Variants in GNAT1 observed in about 807,000 individuals in gnomAD.
GNAT1 encodes G protein subunit alpha transducin 1, also known as guanine nucleotide-binding protein G(t) subunit alpha-1.
GNAT1 carries 36 observed loss-of-function variants against 40.0 expected under a neutral mutation model. The observed-to-expected ratio is 0.90, with a 90% confidence interval of 0.69 to 1.19. The LOEUF (loss-of-function observed/expected upper bound fraction) is 1.19. GNAT1 is among the 50% of genes most tolerant of loss of function. The pLI is 0.00. For missense variants in GNAT1, 413 were observed against 480.6 expected, an observed-to-expected ratio of 0.86 and a Z score of 1.32; for synonymous variants, 195 against 192.9, an observed-to-expected ratio of 1.01 and a Z score of -0.09.
chr3:50,193,462 C>A lies in GNAT1; in HGVS notation c.292-44C>A, dbSNP rs1291320332. ...TGGGGACTCGAGGCTCGCGGCTGGGCCCGAGTCCCTGGCCGCCACCAGCCA... is the reference window on the plus strand; with the variant it reads ...TGGGGACTCGAGGCTCGCGGCTGGGACCGAGTCCCTGGCCGCCACCAGCCA... On this transcript the variant is annotated intron_variant, in intron 3 of 8. Coordinates refer to ENST00000232461, the MANE Select transcript of GNAT1 (RefSeq NM_144499.3). This position sits in a 1 kb window ranked among gnomAD's most constrained non-coding sequence, Gnocchi z 8.1. 7 of 1,607,584 alleles carry A rather than the reference C, an allele frequency of 4.4e-6. No individual in the cohort carries two copies. Among genetic ancestry groups the A allele is most frequent in the Middle Eastern group, 1.6e-4 (1 of 6,074 alleles).
Position 50,194,845 on chromosome 3 carries a change from A to G in GNAT1, c.943A>G (p.Ile315Val), listed in dbSNP as rs746076205. The change falls in exon 8 of 9, where the codon ATC becomes GTC. Residue 315 changes from isoleucine (I) to valine (V), a missense_variant. By Grantham distance (29) the Ile-to-Val change is conservative (BLOSUM62 3). Coordinates refer to ENST00000232461, the MANE Select transcript of GNAT1 (RefSeq NM_144499.3). This position sits in a 1 kb window ranked among gnomAD's most constrained non-coding sequence, Gnocchi z 6.1. ...CAACATGCGGCGCGACGTGAAGGAG[A>G]TCTATTCCCACATGACGTGCGCCAC... ...ELNMRRDVKE[I>V]YSHMTCATDT... 6.2e-7 allele frequency: 1 copy of G among 1,613,580 alleles called. No homozygotes were observed.
Position 50,194,775 on chromosome 3 carries a change from C to T in GNAT1, c.873C>T (p.Thr291=). 1 of 1,613,828 alleles carries T rather than the reference C, an allele frequency of 6.2e-7. No individual in the cohort carries two copies. The highest frequency in any genetic ancestry group is 8.5e-7 in the Non-Finnish European group (1 of 1,179,992). The change falls in exon 8 of 9, where the codon ACC becomes ACT. Residue 291 remains threonine (T), a synonymous_variant. Coordinates refer to ENST00000232461, the MANE Select transcript of GNAT1 (RefSeq NM_144499.3). The surrounding 1 kb of genome is among the most constrained non-coding windows in gnomAD (Gnocchi z 6.1). ...ICFPDYDGPN[T]YEDAGNYIKV... is the part of the protein sequence containing the mutation. Reference sequence around the variant, plus strand: ...CTCCCGCCCCCGCAGGACCCAACACCTACGAGGACGCCGGCAACTACATCA... The same window carrying T: ...CTCCCGCCCCCGCAGGACCCAACACTTACGAGGACGCCGGCAACTACATCA...
rs780003957 is a variant in GNAT1, at chr3:50,194,926, G to A, written c.1024G>A (p.Glu342Lys). ...CGCTGTCACCGACATCATCATCAAG[G>A]AGAACCTCAAAGACTGTGGCCTCTT... ...FDAVTDIIIK[E>K]NLKDCGLF is the part of the protein sequence containing the mutation. Residue 342 changes from glutamate (E) to lysine (K), a missense_variant, in exon 8 of 9, where the codon GAG becomes AAG. By Grantham distance (56) the Glu-to-Lys change is moderately conservative. Coordinates refer to ENST00000232461, the MANE Select transcript of GNAT1 (RefSeq NM_144499.3). The surrounding 1 kb of genome is among the most constrained non-coding windows in gnomAD (Gnocchi z 6.1). The A allele has an allele frequency of 3.7e-6, 6 of 1,613,740 alleles. No homozygotes were observed. In the South Asian group the frequency reaches 5.5e-5, roughly 15 times the overall value.
rs1476293602 is a variant in GNAT1, at chr3:50,194,910, C to T, written c.1008C>T (p.Thr336=). 2 of 1,613,866 alleles carry T rather than the reference C, an allele frequency of 1.2e-6. No homozygotes were observed. Among genetic ancestry groups the T allele is most frequent in the Admixed American group, 1.7e-5 (1 of 60,006 alleles). The change falls in exon 8 of 9, where the codon ACC becomes ACT. Residue 336 remains threonine (T), a synonymous_variant. Transcript: ENST00000232461. This position sits in a 1 kb window ranked among gnomAD's most constrained non-coding sequence, Gnocchi z 6.1. ...TCAAATTTGTCTTCGACGCTGTCAC[C>T]GACATCATCATCAAGGAGAACCTCA... ...QNVKFVFDAV[T]DIIIKENLKD...
In GNAT1 at chr3:50,193,438, G is replaced by T. The variant is rs1396020217; in HGVS notation, c.291+32G>T. On this transcript the variant is annotated intron_variant, in intron 3 of 8. Coordinates refer to ENST00000232461, the MANE Select transcript of GNAT1 (RefSeq NM_144499.3). This position sits in a 1 kb window ranked among gnomAD's most constrained non-coding sequence, Gnocchi z 8.1. ...CAGGAGGCGGGCTGAGCGGGCCTCT[G>T]GGGACTCGAGGCTCGCGGCTGGGCC... 6.2e-7 allele frequency: 1 copy of T among 1,612,976 alleles called. No individual in the cohort carries two copies. Among genetic ancestry groups the T allele is most frequent in the Admixed American group, 1.7e-5 (1 of 60,006 alleles).
At position 50,194,020 on chromosome 3, in the gene GNAT1, C is replaced by T; in HGVS notation, c.579-72C>T. On this transcript the variant is annotated intron_variant, in intron 5 of 8. Coordinates refer to ENST00000232461, the MANE Select transcript of GNAT1 (RefSeq NM_144499.3). This position sits in a 1 kb window ranked among gnomAD's most constrained non-coding sequence, Gnocchi z 6.1. ...GTGGTAGTCCCGGCCGAGAGCTCCC[C>T]GACCAGCACAGGGCGAAGGGATGTT... 2 of 1,608,914 alleles carry T rather than the reference C, an allele frequency of 1.2e-6. No individual in the cohort carries two copies. Among genetic ancestry groups the T allele is most frequent in the East Asian group, 2.2e-5 (1 of 44,788 alleles).
chr3:50,193,994 G>T lies in GNAT1; in HGVS notation c.579-98G>T, dbSNP rs1699462969. ...TCCCTGATACCCCGCCAGCAGAAAG[G>T]GTGGTAGTCCCGGCCGAGAGCTCCC... is the stretch of plus-strand genomic sequence containing the variant. On this transcript the variant is annotated intron_variant, in intron 5 of 8. Transcript: ENST00000232461. This position sits in a 1 kb window ranked among gnomAD's most constrained non-coding sequence, Gnocchi z 8.1. 3 of 1,602,496 alleles carry T rather than the reference G, an allele frequency of 1.9e-6. No homozygotes were observed. In the African/African-American group the frequency reaches 4.0e-5, roughly 21 times the overall value.
rs1195159636 is a variant in GNAT1, at chr3:50,196,955, G to T, written c.*1689G>T. On this transcript the variant is annotated 3_prime_UTR_variant, in exon 9 of 9. Coordinates refer to ENST00000232461, the MANE Select transcript of GNAT1 (RefSeq NM_144499.3). The stretch of plus-strand genomic sequence containing the variant: ...CCTCGAGGCAGGAACATAATTGCAG[G>T]GCTGGGATTAGGGTGAGGGAAGTGA... 6.6e-6 allele frequency among the ~76,000 whole-genome samples: 1 copy of T among 152,164 alleles called. No individual in the cohort carries two copies. The highest frequency in any genetic ancestry group is 1.5e-5 in the Non-Finnish European group (1 of 68,044).
chr3:50,194,731 G>A lies in GNAT1; in HGVS notation c.863-34G>A, dbSNP rs1699476037. The A allele has an allele frequency of 6.2e-7, 1 of 1,612,228 alleles. No individual in the cohort carries two copies. The highest frequency in any genetic ancestry group is 8.5e-7 in the Non-Finnish European group (1 of 1,179,162). ...GCGCACCCCCCGCACGGGGAAGGAA[G>A]GGCTGAGCAGAGTGAGAGCTCCCGC... On this transcript the variant is annotated intron_variant, in intron 7 of 8. Coordinates refer to ENST00000232461, the MANE Select transcript of GNAT1 (RefSeq NM_144499.3). The surrounding 1 kb of genome is among the most constrained non-coding windows in gnomAD (Gnocchi z 6.1).
In GNAT1 at chr3:50,195,019, C is replaced by G. The variant is rs1015607873; in HGVS notation, c.*1+63C>G. ...CCCAGCCCCGTCCAGCTCCCCACCCCACACCACGGCCCTGGAGCCTCACCC... is the reference window on the plus strand; with the variant it reads ...CCCAGCCCCGTCCAGCTCCCCACCCGACACCACGGCCCTGGAGCCTCACCC... On this transcript the variant is annotated intron_variant, in intron 8 of 8. Coordinates refer to ENST00000232461, the MANE Select transcript of GNAT1 (RefSeq NM_144499.3). The G allele has an allele frequency of 2.5e-6, 3 of 1,201,968 alleles. No homozygotes were observed. In the Admixed American group the frequency reaches 5.8e-5, roughly 23 times the overall value. The allele number at this position is 1,201,968 out of a possible 1,614,324, so 74.5% of individuals were successfully genotyped here.
chr3:50,191,674 C>A lies in GNAT1; in HGVS notation c.-52C>A. 2 of 1,348,034 alleles carry A rather than the reference C, an allele frequency of 1.5e-6. No homozygotes were observed. The highest frequency in any genetic ancestry group is 2.1e-6 in the Non-Finnish European group (2 of 937,624). 83.5% of individuals were successfully genotyped at this position (1,348,034 alleles called of 1,614,324 possible). A position where few individuals can be genotyped will look rare whatever the true frequency, so the allele number is the denominator to read the frequency against. ...GGAGGCCAGGTTCTGGGGATCCCCTCCATCCAGAAGAACCACCTGCTCACT... is the reference window on the plus strand; with the variant it reads ...GGAGGCCAGGTTCTGGGGATCCCCTACATCCAGAAGAACCACCTGCTCACT... On this transcript the variant is annotated 5_prime_UTR_variant, in exon 1 of 9. Coordinates refer to ENST00000232461, the MANE Select transcript of GNAT1 (RefSeq NM_144499.3).
Position 50,196,879 on chromosome 3 carries a change from C to T in GNAT1, c.*1613C>T, listed in dbSNP as rs1461719527. Among the ~76,000 whole-genome samples, 4 of 152,022 alleles carry T rather than the reference C, an allele frequency of 2.6e-5. No homozygotes were observed. Among genetic ancestry groups the T allele is most frequent in the African/African-American group, 9.7e-5 (4 of 41,350 alleles). On this transcript the variant is annotated 3_prime_UTR_variant, in exon 9 of 9. Transcript: ENST00000232461. ...GAGAGACGTGGACAGGTGCCCAAAG[C>T]CAGTCGGAGGGCCTGGGCTTTCTCA...
intron 8 of GNAT1, 57 bp downstream of exon 8, chr3:50,195,013 C>A: frequency 8.2e-7 from 1 of 1,222,078 alleles, no homozygotes; most frequent in Admixed American, 1.9e-5. Context: ...GTCCAGCTCC[C>A]CACCCCACAC....
chr3:50,192,172 G>C (rs913556124), intron 1 of GNAT1, among the ~76,000 whole-genome samples: 1 of 152,194 alleles, frequency 6.6e-6, no homozygotes, highest in Non-Finnish European at 1.5e-5. Context: ...GGTTTGATAC[G>C]CCTGCTAGGC....
At position 50,193,947 on chromosome 3, in the gene GNAT1, C is replaced by T. The variant is rs887376994; in HGVS notation, c.578+66C>T. The T allele has an allele frequency of 5.0e-6, 8 of 1,605,632 alleles. No individual in the cohort carries two copies. Among genetic ancestry groups the T allele is most frequent in the African/African-American group, 2.7e-5 (2 of 74,796 alleles). On this transcript the variant is annotated intron_variant, in intron 5 of 8. Coordinates refer to ENST00000232461, the MANE Select transcript of GNAT1 (RefSeq NM_144499.3). This position sits in a 1 kb window ranked among gnomAD's most constrained non-coding sequence, Gnocchi z 8.1. ...CCCCGTCCTGCCCCGGGGACCCCAT[C>T]CCTGCGATAGACCCTGCCCCTTCCC...
intron 1 of GNAT1, chr3:50,192,708 C>T (rs1438103797): frequency 2.9e-6 from 1 of 339,742 alleles, no homozygotes; most frequent in Admixed American, 4.4e-5. Context: ...CCTGGAGACA[C>T]CTGCACCCCT....
chr3:50,192,492 A>G (rs1699426564), intron 1 of GNAT1, among the ~76,000 whole-genome samples: 1 of 152,202 alleles, frequency 6.6e-6, no homozygotes, highest in African/African-American at 2.4e-5. Flanking sequence ...AAGCAGCTTC[A>G]AGAGGGGCTC....
rs1699492403 is a variant in GNAT1 at position 50,195,721 on chromosome 3, G to C, written c.*455G>C. ...GAATATCCCTCCCACACACAGGCCA[G>C]CTGCTCACCCTGCCACCTCCATGTG... is the stretch of plus-strand genomic sequence containing the variant. On this transcript the variant is annotated 3_prime_UTR_variant, in exon 9 of 9. Transcript: ENST00000232461. 1 of 153,320 alleles carries C rather than the reference G, an allele frequency of 6.5e-6. No homozygotes were observed. Among genetic ancestry groups the C allele is most frequent in the African/African-American group, 2.4e-5 (1 of 41,408 alleles). 9.5% of individuals were successfully genotyped at this position (153,320 alleles called of 1,614,324 possible). A position where few individuals can be genotyped will look rare whatever the true frequency, so the allele number is the denominator to read the frequency against.
rs149879603 is a variant in GNAT1, at chr3:50,194,946, C to T, written c.1044C>T (p.Gly348=). 8.4e-5 allele frequency: 135 copies of T among 1,612,072 alleles called. No homozygotes were observed. The highest frequency in any genetic ancestry group is 1.1e-4 in the Non-Finnish European group (134 of 1,178,942). ...TCAAGGAGAACCTCAAAGACTGTGGCCTCTTCTGAGGTAGGTCGCTGCCCT... is the reference window on the plus strand; with the variant it reads ...TCAAGGAGAACCTCAAAGACTGTGGTCTCTTCTGAGGTAGGTCGCTGCCCT... ...IIIKENLKDC[G]LF The change falls in exon 8 of 9, where the codon GGC becomes GGT. Residue 348 remains glycine (G), a synonymous_variant. Coordinates refer to ENST00000232461, the MANE Select transcript of GNAT1 (RefSeq NM_144499.3). This position sits in a 1 kb window ranked among gnomAD's most constrained non-coding sequence, Gnocchi z 6.1.
Sources: gnomAD v4.1 joint callset for allele counts (sites outside exome capture counted in the v4.1 genomes callset) on GRCh38, gnomAD v4.1.1 for gene constraint, Gnocchi (gnomAD v3.1) non-coding constraint, MANE v1.5 for transcripts, NCBI Gene and HGNC (gene_info 2026-07-23, HGNC 2026-07-21) for gene names.